Variants in SF3B3 observed in about 807,000 individuals in gnomAD.
The protein encoded by SF3B3 is SAP 130.
Under a neutral mutation model 139.2 loss-of-function variants are expected in SF3B3, and 33 were observed. The observed-to-expected ratio is 0.24, with a 90% confidence interval of 0.18 to 0.32. The LOEUF (loss-of-function observed/expected upper bound fraction) is 0.32. SF3B3 is among the 10% of genes least tolerant of loss of function. SF3B3 has a pLI of 1.00. For synonymous variants in SF3B3, 596 were observed against 563.6 expected (o/e 1.06, Z -0.81); for missense variants, 818 against 1,509.4 (o/e 0.54, Z 7.59).
rs1436287905 is a variant in SF3B3 at position 70,567,395 on chromosome 16, T to C, written c.2827-16T>C. 3 of 1,607,034 alleles carry C rather than the reference T, an allele frequency of 1.9e-6. No individual in the cohort carries two copies. Among genetic ancestry groups the C allele is most frequent in the Admixed American group, 1.7e-5 (1 of 58,234 alleles). ...TGGCATTTATAATAGCTGTATTACC[T>C]GCTTTTCCTCTATAGACTCCTGTGG... is the stretch of plus-strand genomic sequence containing the variant. On this transcript the variant is annotated splice_polypyrimidine_tract_variant and intron_variant, in intron 20 of 25. Transcript: ENST00000302516.
At chr16:70,526,867 G>T in intron 2 of SF3B3, 141 bp downstream of exon 2, 1 of 637,320 alleles carries the variant, frequency 1.6e-6, no homozygotes, top group Non-Finnish European at 2.7e-6. Context: ...GAGATGAGGT[G>T]TTAAGTTCTG....
Position 70,535,366 on chromosome 16 carries a change from T to C in SF3B3, c.771T>C (p.Thr257=), listed in dbSNP as rs753204185. 43 of 1,611,864 alleles carry C rather than the reference T, an allele frequency of 2.7e-5. No individual in the cohort carries two copies. The highest frequency in any genetic ancestry group is 1.4e-5 in the Non-Finnish European group (16 of 1,178,880). Residue 257 remains threonine (T), a synonymous_variant, in exon 6 of 26, where the codon ACT becomes ACC. Coordinates refer to ENST00000302516, the MANE Select transcript of SF3B3 (RefSeq NM_012426.5). ...TGATCTGCTCTGAAAACTATATTAC[T>C]TACAAGAACTTTGGTGACCAGCCAG... ...GVLICSENYI[T]YKNFGDQPDI...
intron 1 of SF3B3, among the ~76,000 whole-genome samples, chr16:70,525,733 G>A (rs897164537): frequency 1.3e-5 from 2 of 151,770 alleles, no homozygotes; most frequent in Admixed American, 6.6e-5. Context: ...TTTGGGAGGC[G>A]GAGGCGGGCG....
At chr16:70,555,459 C>A (rs1345310324) in intron 13 of SF3B3, among the ~76,000 whole-genome samples, 2 of 115,796 alleles carry the variant, frequency 1.7e-5, no homozygotes, top group African/African-American at 6.8e-5. Context: ...AGCCTGGCGA[C>A]AGAGCAAGAC....
rs80137431 is a variant in SF3B3, at chr16:70,568,826, G to A, written c.3166-217G>A. Among the ~76,000 whole-genome samples, 443 of 152,306 alleles carry A rather than the reference G, an allele frequency of 2.9e-3. 2 individuals are homozygous for A. Among genetic ancestry groups the A allele is most frequent in the Non-Finnish European group, 5.2e-3 (353 of 68,022 alleles). Reference sequence around the variant, plus strand: ...TGTGGTTTTGGTTTTACCCTTAGCTGTGTTAAACTCTTGCTCATGGGTCGA... The same window carrying A: ...TGTGGTTTTGGTTTTACCCTTAGCTATGTTAAACTCTTGCTCATGGGTCGA... On this transcript the variant is annotated intron_variant, in intron 22 of 25. Coordinates refer to ENST00000302516, the MANE Select transcript of SF3B3 (RefSeq NM_012426.5).
At chr16:70,555,858 A>C (rs2050375614) in intron 13 of SF3B3, among the ~76,000 whole-genome samples, 2 of 152,150 alleles carry the variant, frequency 1.3e-5, no homozygotes, top group African/African-American at 4.8e-5. Flanking sequence ...TTCTTGTAAA[A>C]CACAGACAGT....
At chr16:70,533,377 A>T (rs991636473) in intron 5 of SF3B3, among the ~76,000 whole-genome samples, 6 of 152,216 alleles carry the variant, frequency 3.9e-5, no homozygotes, top group Non-Finnish European at 8.8e-5. Flanking sequence ...CTAGAGTAGA[A>T]AAAGAGTAAA....
intron 11 of SF3B3, chr16:70,550,601 A>T: frequency 1.0e-6 from 1 of 960,412 alleles, no homozygotes; most frequent in Non-Finnish European, 1.2e-6. Context: ...CTTGGCTGGT[A>T]CTTGGTGATG....
Position 70,571,981 on chromosome 16 carries a change from C to A in SF3B3, c.*168C>A. On this transcript the variant is annotated 3_prime_UTR_variant, in exon 26 of 26. Transcript: ENST00000302516. ...TCAGCTCTTCTCCTGGAATGACTGG[C>A]TTCCCCTCAAATTGGCACTGAGATT... 1 of 827,574 alleles carries A rather than the reference C, an allele frequency of 1.2e-6. No homozygotes were observed. The highest frequency in any genetic ancestry group is 1.9e-6 in the Non-Finnish European group (1 of 520,882). The allele number at this position is 827,574 out of a possible 1,614,324, so 51.3% of individuals were successfully genotyped here.
rs2050557236 is a variant in SF3B3 at position 70,574,329 on chromosome 16, G to A, written c.*2516G>A. 1 of 152,046 alleles carries A rather than the reference G, an allele frequency of 6.6e-6. No individual in the cohort carries two copies. Among genetic ancestry groups the A allele is most frequent in the Non-Finnish European group, 1.5e-5 (1 of 68,016 alleles). The allele number at this position is 152,046 out of a possible 1,614,324, so 9.4% of individuals were successfully genotyped here. A position where few individuals can be genotyped will look rare whatever the true frequency, so the allele number is the denominator to read the frequency against. The stretch of plus-strand genomic sequence containing the variant: ...CTCCAGAGTAGGGGAGACTACAGAT[G>A]TGTGCCACCATACTCAGCTAATTTT... On this transcript the variant is annotated 3_prime_UTR_variant, in exon 26 of 26. Coordinates refer to ENST00000302516, the MANE Select transcript of SF3B3 (RefSeq NM_012426.5).
At chr16:70,555,272 G>GT in intron 13 of SF3B3, 66 bp downstream of exon 13, 4 of 1,417,956 alleles carry the variant, frequency 2.8e-6, no homozygotes, top group Non-Finnish European at 4.0e-6. Context: ...GGGCATTGTA[G>GT]TCTAGTCATT....
intron 2 of SF3B3, among the ~76,000 whole-genome samples, chr16:70,527,616 G>A (rs2050076745): frequency 6.6e-6 from 1 of 152,078 alleles, no homozygotes; most frequent in Admixed American, 6.6e-5. Context: ...GTTATTCTTT[G>A]CTGCATTTGA....
intron 15 of SF3B3, among the ~76,000 whole-genome samples, chr16:70,557,802 A>T (rs2050392132): frequency 6.6e-6 from 1 of 152,178 alleles, no homozygotes; most frequent in Admixed American, 6.5e-5. Context: ...TTTTAAAGCA[A>T]ATCCAAGATC....
At chr16:70,556,570 C>G (rs1386434401) in intron 14 of SF3B3, 2 of 611,220 alleles carry the variant, frequency 3.3e-6, no homozygotes, top group Non-Finnish European at 2.8e-6. Flanking sequence ...GCCTCAACTC[C>G]TTTTTTTAAG....
chr16:70,542,699 G>A (rs961967786), intron 9 of SF3B3, among the ~76,000 whole-genome samples: 3 of 151,694 alleles, frequency 2.0e-5, no homozygotes, highest in African/African-American at 7.3e-5. Context: ...AAATAAATGT[G>A]ACTAATTTCT....
chr16:70,533,459 A>T (rs191921232), intron 5 of SF3B3, among the ~76,000 whole-genome samples: 8 of 152,350 alleles, frequency 5.3e-5, no homozygotes, highest in African/African-American at 1.9e-4. Context: ...AACAAAAAAA[A>T]TTTGCAGGCT....
chr16:70,571,247 A>G (rs779704941), intron 25 of SF3B3, 48 bp downstream of exon 25: 1 of 1,354,254 alleles, frequency 7.4e-7, no homozygotes, highest in Admixed American at 1.7e-5. Context: ...AGAAAGGAGC[A>G]GCACAGGGAG....
At chr16:70,558,991 G>A (rs2050403553) in intron 15 of SF3B3, among the ~76,000 whole-genome samples, 1 of 152,168 alleles carries the variant, frequency 6.6e-6, no homozygotes, top group South Asian at 2.1e-4. Context: ...TTTAATTATT[G>A]GGGGAGGGGG....
rs917951769 is a variant in SF3B3, at chr16:70,572,773, A to T, written c.*960A>T. On this transcript the variant is annotated 3_prime_UTR_variant, in exon 26 of 26. Transcript: ENST00000302516. ...GGGGCCTGTCTGCAGCACCCATCTC[A>T]GGTGGGTTCCAGAGGGCCTTTAGGG... The T allele has an allele frequency of 6.6e-5, 10 of 152,224 alleles. No individual in the cohort carries two copies. Among genetic ancestry groups the T allele is most frequent in the African/African-American group, 2.4e-4 (10 of 41,444 alleles). The allele number at this position is 152,224 out of a possible 1,614,324, so 9.4% of individuals were successfully genotyped here. A position where few individuals can be genotyped will look rare whatever the true frequency, so the allele number is the denominator to read the frequency against.
Sources: allele counts gnomAD v4.1 joint callset (sites outside exome capture counted in the v4.1 genomes callset), GRCh38; gene constraint gnomAD v4.1.1; transcripts MANE v1.5; gene names NCBI Gene and HGNC (gene_info 2026-07-23, HGNC 2026-07-21).